Variants in CDH2 observed in about 807,000 individuals in gnomAD.
CDH2 encodes cadherin-2.
A neutral mutation model predicts 92.0 loss-of-function variants in CDH2; 17 were observed. That is an observed-to-expected ratio of 0.18 (90% CI 0.13 to 0.28). The LOEUF (loss-of-function observed/expected upper bound fraction) is 0.28, where lower values mean the gene tolerates loss of function less well. Among genes scored for constraint, CDH2 ranks in the 10% least tolerant of loss-of-function variants. The probability of loss-of-function intolerance (pLI) is 1.00; values close to 1 mark genes in which losing one functional copy is unlikely to be tolerated. For synonymous variants in CDH2, 419 were observed against 415.9 expected (o/e 1.01, Z -0.09); for missense variants, 862 against 1,133.1 (o/e 0.76, Z 3.44).
intron 7 of CDH2, 97 bp downstream of exon 7, chr18:28,002,900 T>G: frequency 9.5e-7 from 1 of 1,055,506 alleles, no homozygotes; most frequent in Non-Finnish European, 1.4e-6. Context: ...AATAACACTG[T>G]GAGTATATTG....
chr18:28,170,273 G>A (rs1184573171), intron 1 of CDH2, among the ~76,000 whole-genome samples: 2 of 152,100 alleles, frequency 1.3e-5, no homozygotes, highest in Non-Finnish European at 2.9e-5. Flanking sequence ...AGCTTATATT[G>A]TGGTCTGTGT....
chr18:28,056,926 T>C (rs2014304215), intron 2 of CDH2, among the ~76,000 whole-genome samples: 1 of 152,216 alleles, frequency 6.6e-6, no homozygotes, highest in Non-Finnish European at 1.5e-5. Flanking sequence ...AGAAACTGTA[T>C]AAAATTCTTA....
intron 2 of CDH2, among the ~76,000 whole-genome samples, chr18:28,115,165 C>A (rs1217338365): frequency 6.6e-6 from 1 of 152,116 alleles, no homozygotes; most frequent in Non-Finnish European, 1.5e-5. Context: ...CCAGAAAGAC[C>A]TGGCGTTACT....
intron 2 of CDH2, among the ~76,000 whole-genome samples, chr18:28,093,761 A>AC: frequency 6.6e-6 from 1 of 152,320 alleles, no homozygotes; most frequent in African/African-American, 2.4e-5. Context: ...AAAACTTGAA[A>AC]CCTAGTAGTA....
At chr18:27,963,331 T>C (rs762371625) in intron 15 of CDH2, 26 bp downstream of exon 15, 27 of 1,608,946 alleles carry the variant, frequency 1.7e-5, no homozygotes, top group East Asian at 6.7e-5. Flanking sequence ...AAAACTCTTA[T>C]AGAGAAAACG....
intron 2 of CDH2, among the ~76,000 whole-genome samples, chr18:28,017,107 G>A (rs2013271353): frequency 6.6e-6 from 1 of 152,036 alleles, no homozygotes; most frequent in Non-Finnish European, 1.5e-5. Flanking sequence ...GTCCCTTCCT[G>A]GTTAGGGTGA....
chr18:28,153,574 G>A (rs2016159667), intron 1 of CDH2, among the ~76,000 whole-genome samples: 1 of 152,182 alleles, frequency 6.6e-6, no homozygotes, highest in Non-Finnish European at 1.5e-5. Context: ...TAAGCCCTGG[G>A]CTCTTAAGAA....
intron 1 of CDH2, among the ~76,000 whole-genome samples, chr18:28,152,954 T>C (rs1220375613): frequency 1.3e-5 from 2 of 152,280 alleles, no homozygotes; most frequent in East Asian, 3.9e-4. Flanking sequence ...GAGGAAATGA[T>C]GCCTTCCCTC....
intron 2 of CDH2, among the ~76,000 whole-genome samples, chr18:28,144,266 A>C (rs762541613): frequency 6.6e-6 from 1 of 152,068 alleles, no homozygotes; most frequent in Non-Finnish European, 1.5e-5. Context: ...ATGCTTTTAA[A>C]ACAGAATAGA....
intron 1 of CDH2, among the ~76,000 whole-genome samples, chr18:28,165,040 A>G (rs1169294946): frequency 6.6e-6 from 1 of 152,238 alleles, no homozygotes; most frequent in Non-Finnish European, 1.5e-5. Context: ...AAAGTCTTGC[A>G]TGCATTAAGT....
intron 2 of CDH2, among the ~76,000 whole-genome samples, chr18:28,095,670 C>T (rs956262768): frequency 6.6e-6 from 1 of 151,900 alleles, no homozygotes; most frequent in Non-Finnish European, 1.5e-5. Context: ...ATTAGCTGTG[C>T]ATGATGGCAC....
In CDH2 at chr18:28,083,837, T is replaced by A. The variant is rs17535978; in HGVS notation, c.172+63836A>T. Among the ~76,000 whole-genome samples the A allele has an allele frequency of 2.8e-3, 431 of 152,332 alleles. 3 individuals carry two copies. The highest frequency in any genetic ancestry group is 9.9e-3 in the African/African-American group (410 of 41,578). On this transcript the variant is annotated intron_variant, in intron 2 of 15. Coordinates refer to ENST00000269141, the MANE Select transcript of CDH2 (RefSeq NM_001792.5). ...CCAGGGCTGACAATCACTGTTCTAA[T>A]CCAGTATTTTGAGAAAACACTATGG...
intron 2 of CDH2, among the ~76,000 whole-genome samples, chr18:28,054,557 A>G (rs1036878624): frequency 6.6e-6 from 1 of 152,186 alleles, no homozygotes; most frequent in South Asian, 2.1e-4. Context: ...TCCAAACTAA[A>G]AAACTCTGTG....
intron 15 of CDH2, among the ~76,000 whole-genome samples, chr18:27,954,882 T>C (rs1042334757): frequency 1.5e-4 from 23 of 152,106 alleles, no homozygotes; most frequent in Non-Finnish European, 3.2e-4. Flanking sequence ...TAGCCTACAC[T>C]CCTCTTCCCT....
At chr18:28,165,500 C>T (rs541590808) in intron 1 of CDH2, among the ~76,000 whole-genome samples, 6 of 152,300 alleles carry the variant, frequency 3.9e-5, no homozygotes, top group Admixed American at 2.0e-4. Context: ...CCTGAAAGCA[C>T]TTTTCTAAGT....
At chr18:28,014,283 A>G (rs1026393403) in intron 2 of CDH2, among the ~76,000 whole-genome samples, 1 of 151,664 alleles carries the variant, frequency 6.6e-6, no homozygotes, top group African/African-American at 2.4e-5. Context: ...AGCAGAACAA[A>G]CCCCCTTTTT....
At chr18:27,960,039 C>CAA (rs2011359783) in intron 15 of CDH2, among the ~76,000 whole-genome samples, 1 of 151,816 alleles carries the variant, frequency 6.6e-6, no homozygotes, top group African/African-American at 2.4e-5. Flanking sequence ...CACACACACA[C>CAA]ACACACACAA....
At chr18:27,935,080 A>T (rs1014973859) in intron 6 of CDH2, among the ~76,000 whole-genome samples, 1 of 152,046 alleles carries the variant, frequency 6.6e-6, no homozygotes, top group South Asian at 2.1e-4. Flanking sequence ...TCCCTTTGTG[A>T]ATGTTCCTTT....
intron 3 of CDH2, among the ~76,000 whole-genome samples, chr18:28,013,344 C>A (rs1331850308): frequency 6.6e-6 from 1 of 152,146 alleles, no homozygotes; most frequent in African/African-American, 2.4e-5. Flanking sequence ...TCTAATAAAT[C>A]TGACTGATGA....
Sources: gnomAD v4.1 joint callset for allele counts (sites outside exome capture counted in the v4.1 genomes callset) on GRCh38, gnomAD v4.1.1 for gene constraint, MANE v1.5 for transcripts, NCBI Gene and HGNC (gene_info 2026-07-23, HGNC 2026-07-21) for gene names.